Variants in DMD observed in about 807,000 individuals in gnomAD.
DMD encodes mutant dystrophin.
In DMD, 63 loss-of-function variants were observed where a neutral mutation model predicts 330.1. The ratio of observed to expected loss-of-function variants is 0.19; its 90% CI spans 0.16 to 0.24. The LOEUF is 0.24. DMD is among the 10% of genes least tolerant of loss of function. DMD has a pLI of 1.00. For synonymous variants in DMD, 1,223 were observed against 959.8 expected, an observed-to-expected ratio of 1.27 and a Z score of -5.07; for missense variants, 3,344 against 2,684.1, an observed-to-expected ratio of 1.25 and a Z score of -5.43.
chrX:31,589,353 C>T (rs748097117), intron 55 of DMD, among the ~76,000 whole-genome samples: 2 of 111,177 alleles, frequency 1.8e-5, no homozygotes, highest in African/African-American at 6.5e-5. Context: ...TCTATCATTC[C>T]GGGTTCTATC....
At chrX:32,775,255 T>A (rs1307928426) in intron 7 of DMD, among the ~76,000 whole-genome samples, 4 of 112,135 alleles carry the variant, frequency 3.6e-5, no homozygotes, top group Admixed American at 1.9e-4. Context: ...ATGGTGCAAG[T>A]TGTCAGTGGA....
At chrX:32,467,508 T>C (rs938689583) in intron 23 of DMD, among the ~76,000 whole-genome samples, 13 of 110,181 alleles carry the variant, frequency 1.2e-4, no homozygotes, top group Non-Finnish European at 2.3e-4. Context: ...GATATGGTGA[T>C]AAAATAAGTT....
chrX:31,205,396 T>C (rs950081555), intron 66 of DMD, among the ~76,000 whole-genome samples: 2 of 112,316 alleles, frequency 1.8e-5, no homozygotes, highest in African/African-American at 6.5e-5. Flanking sequence ...CATCTCATTT[T>C]GCATTTAATA....
chrX:32,056,861 A>G (rs1358095372), intron 44 of DMD, among the ~76,000 whole-genome samples: 1 of 111,517 alleles, frequency 9.0e-6, no homozygotes, highest in African/African-American at 3.3e-5. Flanking sequence ...ATAGAAGCAA[A>G]ATAACTCATT....
intron 44 of DMD, among the ~76,000 whole-genome samples, chrX:32,074,903 A>C (rs1358316534): frequency 3.6e-5 from 4 of 111,147 alleles, no homozygotes; most frequent in Non-Finnish European, 7.5e-5. Flanking sequence ...CGACAACAAC[A>C]AACCGAAGAG....
chrX:32,176,336 G>A (rs1218684318), intron 44 of DMD, among the ~76,000 whole-genome samples: 4 of 111,594 alleles, frequency 3.6e-5, no homozygotes, highest in Non-Finnish European at 5.6e-5. Flanking sequence ...TAGTGTGCAG[G>A]ATATTACTTG....
At chrX:32,592,673 A>G (rs2055053555) in intron 13 of DMD, among the ~76,000 whole-genome samples, 1 of 112,262 alleles carries the variant, frequency 8.9e-6, no homozygotes, top group African/African-American at 3.2e-5. Context: ...CTGTAACACA[A>G]ACAGGGCTGA....
At position 32,627,294 on chromosome X, in the gene DMD, A is replaced by G. The variant is rs1025241911; in HGVS notation, c.1332-12841T>C. ...AGATGCACAGAGGTAACATGGAGACAAAGGATCAGGATGCACAAACATGCG... is the reference window on the plus strand; with the variant it reads ...AGATGCACAGAGGTAACATGGAGACGAAGGATCAGGATGCACAAACATGCG... On this transcript the variant is annotated intron_variant, in intron 11 of 78. Coordinates refer to ENST00000357033, the MANE Select transcript of DMD (RefSeq NM_004006.3). Among the ~76,000 whole-genome samples the G allele has an allele frequency of 6.8e-5, 7 of 103,155 alleles. 1 individual carries two copies. The highest frequency in any genetic ancestry group is 2.9e-4 in the African/African-American group (7 of 24,034). 89.6% of individuals were successfully genotyped at this position (103,155 alleles called of 115,157 possible).
At chrX:31,223,286 G>A (rs1043689975) in intron 63 of DMD, among the ~76,000 whole-genome samples, 165 bp from the exon 64 acceptor site, 6 of 112,094 alleles carry the variant, frequency 5.4e-5, no homozygotes, top group East Asian at 2.8e-4. Flanking sequence ...TTCTGTTAAC[G>A]TGGGGAAAAG....
At chrX:32,071,669 T>G (rs1203371171) in intron 44 of DMD, among the ~76,000 whole-genome samples, 1 of 107,900 alleles carries the variant, frequency 9.3e-6, no homozygotes, top group African/African-American at 3.5e-5. Context: ...AAAAAAAAAA[T>G]CTCAGAAATA....
chrX:31,925,360 A>C (rs1200624135), intron 47 of DMD, among the ~76,000 whole-genome samples: 1 of 111,863 alleles, frequency 8.9e-6, no homozygotes, highest in Non-Finnish European at 1.9e-5. Flanking sequence ...AAAATAAAGA[A>C]TGATAAAGCA....
chrX:32,605,741 G>C (rs2056639346), intron 12 of DMD, among the ~76,000 whole-genome samples: 1 of 109,100 alleles, frequency 9.2e-6, no homozygotes, highest in Non-Finnish European at 1.9e-5. Context: ...AAGGACATTA[G>C]CAGACATTTT....
intron 4 of DMD, 79 bp downstream of exon 4, chrX:32,844,704 C>T: frequency 1.2e-6 from 1 of 838,396 alleles, no homozygotes; most frequent in South Asian, 2.0e-5. Flanking sequence ...ACTTTCTCTG[C>T]ATTTGGGGCC....
chrX:33,175,272 C>T (rs774497803), intron 1 of DMD, among the ~76,000 whole-genome samples: 12 of 112,397 alleles, frequency 1.1e-4, no homozygotes, highest in Non-Finnish European at 2.3e-4. Flanking sequence ...ACAATCTTCC[C>T]TCTGTGGCTT....
At chrX:32,033,649 G>GA (rs1240112826) in intron 44 of DMD, among the ~76,000 whole-genome samples, 1 of 18,516 alleles carries the variant, frequency 5.4e-5, no homozygotes, top group African/African-American at 4.6e-4. Flanking sequence ...AAGAAAGAAA[G>GA]AAAGAAGAAA....
chrX:32,129,812 T>G (rs1193008037), intron 44 of DMD, among the ~76,000 whole-genome samples: 1 of 109,205 alleles, frequency 9.2e-6, no homozygotes, highest in Non-Finnish European at 1.9e-5. Flanking sequence ...TGGCTTCTGA[T>G]TTCGAGGCCA....
intron 63 of DMD, among the ~76,000 whole-genome samples, chrX:31,233,727 T>A (rs938777836): frequency 3.6e-5 from 4 of 112,214 alleles, no homozygotes; most frequent in Non-Finnish European, 7.5e-5. Flanking sequence ...CTACCTTTTC[T>A]ACCTTGGCCT....
chrX:32,330,700 C>T (rs187833335), intron 41 of DMD, among the ~76,000 whole-genome samples: 56 of 110,937 alleles, frequency 5.0e-4, no homozygotes, highest in Middle Eastern at 4.6e-3. Flanking sequence ...TGTATGATTG[C>T]TATGGATTTG....
rs141056264 is a variant in DMD at position 31,824,222 on chromosome X, A to G, written c.7201-4139T>C. Among the ~76,000 whole-genome samples, 6 of 111,795 alleles carry G rather than the reference A, an allele frequency of 5.4e-5. No individual in the cohort carries two copies. In the East Asian group the frequency reaches 1.7e-3, roughly 31 times the overall value. On this transcript the variant is annotated intron_variant, in intron 49 of 78. Transcript: ENST00000357033. ...GAGGCCAACATGGGTATGTATGTGA[A>G]AGAAATGGATAAGGGTATATGTAGA...
Sources: allele counts gnomAD v4.1 joint callset (sites outside exome capture counted in the v4.1 genomes callset), GRCh38; gene constraint gnomAD v4.1.1; transcripts MANE v1.5; gene names NCBI Gene and HGNC (gene_info 2026-07-23, HGNC 2026-07-21).